The following DEPDC5 variants were observed in gnomAD, a reference collection of about 807,000 sequenced individuals.
The protein encoded by DEPDC5 is DEP domain containing 5, GATOR1 subcomplex subunit.
A neutral mutation model predicts 217.3 loss-of-function variants in DEPDC5; 73 were observed. The ratio of observed to expected loss-of-function variants is 0.34; its 90% CI spans 0.28 to 0.41. DEPDC5 has a LOEUF of 0.41. DEPDC5 is among the 10% of genes least tolerant of loss of function. The pLI is 1.00. For synonymous variants in DEPDC5, 733 were observed against 756.7 expected (o/e 0.97, Z 0.51); for missense variants, 1,675 against 2,070.1 (o/e 0.81, Z 3.70).
chr22:31,890,761 TG>T, intron 38 of DEPDC5, among the ~76,000 whole-genome samples: 1 of 151,962 alleles, frequency 6.6e-6, no homozygotes. Context: ...GTTTCACTCT[TG>T]TTGCCCAGGC....
In DEPDC5 at chr22:31,874,174, A is replaced by G. The variant is rs1009102158; in HGVS notation, c.3564-99A>G. 24 of 1,493,464 alleles carry G rather than the reference A, an allele frequency of 1.6e-5. No individual in the cohort carries two copies. In the African/African-American group the frequency reaches 3.0e-4, roughly 18 times the overall value. The allele number at this position is 1,493,464 out of a possible 1,614,324, so 92.5% of individuals were successfully genotyped here. A position where few individuals can be genotyped will look rare whatever the true frequency, so the allele number is the denominator to read the frequency against. On this transcript the variant is annotated intron_variant, in intron 35 of 42. Transcript: ENST00000651528. ...ATAGGGACATTGCTTTATGGTATTA[A>G]ATGCTCTAGTGGGAGTCCCTTCTTT...
chr22:31,759,716 T>C (rs2082233682), intron 3 of DEPDC5, among the ~76,000 whole-genome samples: 1 of 132,848 alleles, frequency 7.5e-6, no homozygotes, highest in Non-Finnish European at 1.5e-5. Context: ...AGAGTCTCGC[T>C]CTGTCACCCA....
chr22:31,879,590 C>A lies in DEPDC5; in HGVS notation c.3871C>A (p.Arg1291Ser). 6.2e-7 allele frequency: 1 copy of A among 1,613,762 alleles called. No homozygotes were observed. Among genetic ancestry groups the A allele is most frequent in the Non-Finnish European group, 8.5e-7 (1 of 1,180,036 alleles). The change falls in exon 38 of 43, where the codon CGC becomes AGC. Residue 1291 changes from arginine (R) to serine (S), a missense_variant. Coordinates refer to ENST00000651528, the MANE Select transcript of DEPDC5 (RefSeq NM_001242896.3). ...AGVDDFASFQRKWFEVAFVAE... is the reference protein window; with the variant it reads ...AGVDDFASFQSKWFEVAFVAE... ...AGTGGACGACTTCGCCAGCTTCCAG[C>A]GCAAGTGGTTTGAGGTGGCCTTTGT...
intron 33 of DEPDC5, among the ~76,000 whole-genome samples, chr22:31,863,697 C>T (rs983875474): frequency 1.3e-5 from 2 of 152,028 alleles, no homozygotes; most frequent in African/African-American, 4.8e-5. Flanking sequence ...CCAAGGCAGA[C>T]AGATCACTTG....
intron 10 of DEPDC5, among the ~76,000 whole-genome samples, chr22:31,787,245 G>C (rs2085097376): frequency 6.6e-6 from 1 of 151,586 alleles, no homozygotes. Context: ...ACCACACCTA[G>C]CTAATTTTTT....
rs114201920 is a variant in DEPDC5, at chr22:31,848,505, T to C, written c.3155+1538T>C. Among the ~76,000 whole-genome samples the C allele has an allele frequency of 7.5e-3, 1,145 of 152,318 alleles. 18 individuals carry two copies. Among genetic ancestry groups the C allele is most frequent in the African/African-American group, 0.025 (1,042 of 41,576 alleles). On this transcript the variant is annotated intron_variant, in intron 31 of 42. Coordinates refer to ENST00000651528, the MANE Select transcript of DEPDC5 (RefSeq NM_001242896.3). Reference sequence around the variant, plus strand: ...TTGGGGCTTACACCTTCTGAAGCCATGCCTGAGCTGTACATTGGCCCCTTT... The same window carrying C: ...TTGGGGCTTACACCTTCTGAAGCCACGCCTGAGCTGTACATTGGCCCCTTT...
chr22:31,904,076 C>T (rs2093713311), intron 41 of DEPDC5, among the ~76,000 whole-genome samples: 1 of 151,998 alleles, frequency 6.6e-6, no homozygotes, highest in African/African-American at 2.4e-5. Context: ...AGGCTGTGAC[C>T]TACAGCTCCT....
chr22:31,774,844 G>C (rs1310380184), intron 7 of DEPDC5, among the ~76,000 whole-genome samples: 1 of 151,742 alleles, frequency 6.6e-6, no homozygotes, highest in Non-Finnish European at 1.5e-5. Flanking sequence ...GGATGGTCTC[G>C]ATCTCTTGAC....
Position 31,768,876 on chromosome 22 carries a change from T to C in DEPDC5, c.413+13T>C. On this transcript the variant is annotated intron_variant, in intron 7 of 42. Coordinates refer to ENST00000651528, the MANE Select transcript of DEPDC5 (RefSeq NM_001242896.3). The stretch of plus-strand genomic sequence containing the variant: ...TTGCTGGCATCAGGTAGATATTACA[T>C]CACTCTTGCCTTATCTGTGCAGTAA... 1 of 1,612,516 alleles carries C rather than the reference T, an allele frequency of 6.2e-7. No individual in the cohort carries two copies. The highest frequency in any genetic ancestry group is 8.5e-7 in the Non-Finnish European group (1 of 1,178,998).
At chr22:31,822,874 C>A in intron 24 of DEPDC5, 84 bp downstream of exon 24, 1 of 1,371,038 alleles carries the variant, frequency 7.3e-7, no homozygotes, top group Non-Finnish European at 1.0e-6. Context: ...AAAAGCAGGG[C>A]CATGTCTATT....
chr22:31,805,220 C>T lies in DEPDC5; in HGVS notation c.1217+305C>T, dbSNP rs573361942. 11 of 196,982 alleles carry T rather than the reference C, an allele frequency of 5.6e-5. 1 individual carries two copies. In the South Asian group the frequency reaches 1.0e-3, roughly 18 times the overall value. The allele number at this position is 196,982 out of a possible 1,614,324, so 12.2% of individuals were successfully genotyped here. On this transcript the variant is annotated intron_variant, in intron 17 of 42. Coordinates refer to ENST00000651528, the MANE Select transcript of DEPDC5 (RefSeq NM_001242896.3). ...ACCAACATTTGTACCTGACCTCCTT[C>T]AGCTCTAGAGAAGTCCCCGCGCCTC...
chr22:31,887,372 T>C (rs1313799398), intron 38 of DEPDC5, among the ~76,000 whole-genome samples: 1 of 143,472 alleles, frequency 7.0e-6, no homozygotes, highest in Non-Finnish European at 1.5e-5. Flanking sequence ...TGTGCCGAGA[T>C]TGCGCCATTG....
At chr22:31,864,080 AG>A (rs1160282221) in intron 33 of DEPDC5, among the ~76,000 whole-genome samples, 14 of 151,172 alleles carry the variant, frequency 9.3e-5, no homozygotes, top group Admixed American at 9.2e-4. Flanking sequence ...AGAATGGAGG[AG>A]GGAGGCCAAT....
At chr22:31,863,997 T>C (rs2092602194) in intron 33 of DEPDC5, among the ~76,000 whole-genome samples, 1 of 152,150 alleles carries the variant, frequency 6.6e-6, no homozygotes, top group Non-Finnish European at 1.5e-5. Context: ...TTGTACCTTA[T>C]GTTTATTTAT....
rs1194086576 is a variant in DEPDC5, at chr22:31,864,522, ATATT to A, written c.3330+3093_3330+3096del. Among the ~76,000 whole-genome samples the A allele has an allele frequency of 1.1e-3, 147 of 133,020 alleles. 2 individuals carry two copies. The highest frequency in any genetic ancestry group is 4.2e-3 in the Middle Eastern group (1 of 236). The allele number at this position is 133,020 out of a possible 152,430, so 87.3% of individuals were successfully genotyped here. A position where few individuals can be genotyped will look rare whatever the true frequency, so the allele number is the denominator to read the frequency against. ...TTAAAATATATATATATATATATAT[ATATT>A]TATATATTTATTTATTTACTGTGTG... On this transcript the variant is annotated intron_variant, in intron 33 of 42. Transcript: ENST00000651528.
At position 31,906,809 on chromosome 22, in the gene DEPDC5, C is replaced by T; in HGVS notation, c.*312C>T. On this transcript the variant is annotated 3_prime_UTR_variant, in exon 43 of 43. Coordinates refer to ENST00000651528, the MANE Select transcript of DEPDC5 (RefSeq NM_001242896.3). This position sits in a 1 kb window ranked among gnomAD's most constrained non-coding sequence, Gnocchi z 5.1. ...CAGTGTCTGGGAAGAGGGCAGGCGG[C>T]CCCCATGAATGTCCTCGGAAGGGGG... is the stretch of plus-strand genomic sequence containing the variant. 2.2e-6 allele frequency: 1 copy of T among 461,974 alleles called. No individual in the cohort carries two copies. Among genetic ancestry groups the T allele is most frequent in the Non-Finnish European group, 3.9e-6 (1 of 256,448 alleles). 28.6% of individuals were successfully genotyped at this position (461,974 alleles called of 1,614,324 possible).
chr22:31,839,436 C>T (rs2091253557), intron 27 of DEPDC5, among the ~76,000 whole-genome samples: 1 of 150,514 alleles, frequency 6.6e-6, no homozygotes, highest in Admixed American at 6.7e-5. Context: ...GTGCAGGTGC[C>T]TGGAATCAGA....
intron 10 of DEPDC5, among the ~76,000 whole-genome samples, chr22:31,786,424 T>TAA (rs138288): frequency 4.0e-4 from 32 of 80,128 alleles, no homozygotes; most frequent in Admixed American, 7.6e-4. Flanking sequence ...ATGTGGTAGC[T>TAA]AAAAAAAAAA....
chr22:31,845,242 G>A lies in DEPDC5; in HGVS notation c.3021+5G>A. On this transcript the variant is annotated splice_donor_5th_base_variant and intron_variant, in intron 30 of 42. Coordinates refer to ENST00000651528, the MANE Select transcript of DEPDC5 (RefSeq NM_001242896.3). ...CGCTCGGATCGCATGATGCGGGTAA[G>A]GGCTCCTTAGACTCAGGGAGTGCGC... 1 of 1,611,770 alleles carries A rather than the reference G, an allele frequency of 6.2e-7. No homozygotes were observed.
Sources: gnomAD v4.1 joint callset for allele counts (sites outside exome capture counted in the v4.1 genomes callset) on GRCh38, gnomAD v4.1.1 for gene constraint, Gnocchi (gnomAD v3.1) non-coding constraint, MANE v1.5 for transcripts, NCBI Gene and HGNC (gene_info 2026-07-23, HGNC 2026-07-21) for gene names.